The following SLC11A2 variants were observed in gnomAD, a reference collection of about 807,000 sequenced individuals.
SLC11A2 encodes the protein natural resistance-associated macrophage protein 2.
SLC11A2 carries 38 observed loss-of-function variants against 68.0 expected under a neutral mutation model. That is an observed-to-expected ratio of 0.56 (90% CI 0.43 to 0.73). The LOEUF is 0.73. SLC11A2 is among the 30% of genes least tolerant of loss of function. The pLI, the probability that SLC11A2 is intolerant of heterozygous loss-of-function variation, is 0.00. For synonymous variants in SLC11A2, 242 were observed against 250.6 expected (o/e 0.97, Z 0.32); for missense variants, 517 against 690.5 (o/e 0.75, Z 2.82).
chr12:50,973,109 T>C, the SLC11A2 span, among the ~76,000 whole-genome samples: 1 of 152,114 alleles, frequency 6.6e-6, no homozygotes, highest in Non-Finnish European at 1.5e-5. Flanking sequence ...TCTGCAGACT[T>C]AAATGTCCCT....
chr12:51,028,134 C>CGAAA (rs1410913008), upstream of SLC11A2: 3 of 1,345,918 alleles, frequency 2.2e-6, no homozygotes, highest in Non-Finnish European at 3.1e-6. Context: ...ACTTGTCACC[C>CGAAA]TTTCAGGTCT....
At chr12:51,013,464 T>A (rs1172093116) in intron 1 of SLC11A2, among the ~76,000 whole-genome samples, 1 of 151,560 alleles carries the variant, frequency 6.6e-6, no homozygotes, top group Non-Finnish European at 1.5e-5. Flanking sequence ...CTAATTTTTG[T>A]ATTTTTTTTT....
downstream of SLC11A2, among the ~76,000 whole-genome samples, chr12:50,974,458 C>G (rs1271811467): frequency 6.6e-6 from 1 of 152,160 alleles, no homozygotes; most frequent in African/African-American, 2.4e-5. Context: ...CTGTCACCAC[C>G]AGGCCTGCCC....
the SLC11A2 span, chr12:50,953,823 A>C: frequency 1.9e-6 from 1 of 531,776 alleles, no homozygotes; most frequent in Non-Finnish European, 3.3e-6. Flanking sequence ...AAAATGAAAA[A>C]ATTCGGTAGT....
In SLC11A2 at chr12:50,987,807, A is replaced by G. The variant is rs1940742047; in HGVS notation, c.*518T>C. On this transcript the variant is annotated 3_prime_UTR_variant, in exon 16 of 16. Transcript: ENST00000262052. ...ATAGAGCTAGGTGTCTCTTCATTTT[A>G]TATTTCATATGGATGAAGCTATTCT... is the stretch of plus-strand genomic sequence containing the variant. The G allele has an allele frequency of 7.9e-7, 1 of 1,267,464 alleles. No individual in the cohort carries two copies. The allele number at this position is 1,267,464 out of a possible 1,614,324, so 78.5% of individuals were successfully genotyped here.
rs758341964 is a variant in SLC11A2 at position 50,992,282 on chromosome 12, C to T, written c.1255G>A (p.Ala419Thr). ...GCAACAAGCAGAGTGGGGATGATGG[C>T]AATAGAGCGAGTCAGAACCACTCGG... ...FARVVLTRSI[A>T]IIPTLLVAVF... Residue 419 changes from alanine (A) to threonine (T), a missense_variant, in exon 13 of 16, where the codon GCC becomes ACC. By Grantham distance (58) the Ala-to-Thr change is moderately conservative. Transcript: ENST00000262052. 1.9e-6 allele frequency: 3 copies of T among 1,613,902 alleles called. No homozygotes were observed. The highest frequency in any genetic ancestry group is 2.2e-5 in the East Asian group (1 of 44,866).
In SLC11A2 at chr12:50,986,921, C is replaced by G; in HGVS notation, c.*1404G>C. On this transcript the variant is annotated 3_prime_UTR_variant, in exon 16 of 16. Transcript: ENST00000262052. ...CAGCGAACACCAATCAGCCAGGACT[C>G]TGGAAGGAAAGCTCCAAAAATGAGA... 7.8e-7 allele frequency: 1 copy of G among 1,287,200 alleles called. No homozygotes were observed. Among genetic ancestry groups the G allele is most frequent in the Non-Finnish European group, 1.0e-6 (1 of 988,702 alleles). 79.7% of individuals were successfully genotyped at this position (1,287,200 alleles called of 1,614,324 possible).
At chr12:51,018,810 T>TC (rs1943845530) in intron 1 of SLC11A2, among the ~76,000 whole-genome samples, 1 of 152,180 alleles carries the variant, frequency 6.6e-6, no homozygotes, top group Non-Finnish European at 1.5e-5. Flanking sequence ...TTGAAATAAT[T>TC]CGTTTTCATA....
intron 3 of SLC11A2, 69 bp from the exon 4 acceptor site, chr12:51,005,505 T>C: frequency 6.2e-7 from 1 of 1,603,116 alleles, no homozygotes; most frequent in Non-Finnish European, 8.5e-7. Flanking sequence ...TGGTCTGTTA[T>C]CACATATGAA....
intron 5 of SLC11A2, among the ~76,000 whole-genome samples, 183 bp downstream of exon 5, chr12:51,004,605 A>G (rs1942558127): frequency 6.6e-6 from 1 of 152,150 alleles, no homozygotes; most frequent in Non-Finnish European, 1.5e-5. Context: ...ATTTTGAAAG[A>G]GGGGGAAAAC....
intron 9 of SLC11A2, 45 bp downstream of exon 9, chr12:50,996,772 C>A (rs375391302): frequency 2.1e-5 from 33 of 1,591,710 alleles, no homozygotes; most frequent in Non-Finnish European, 2.1e-5. Context: ...AGGAAAAGAT[C>A]CCATGAACTG....
chr12:50,988,904 G>A (rs1940868057), intron 15 of SLC11A2, among the ~76,000 whole-genome samples: 2 of 151,912 alleles, frequency 1.3e-5, no homozygotes, highest in South Asian at 4.1e-4. Flanking sequence ...TAGAGACAAG[G>A]TGTCTTGCTA....
the SLC11A2 span, among the ~76,000 whole-genome samples, chr12:50,957,713 C>T: frequency 1.3e-5 from 2 of 151,482 alleles, no homozygotes; most frequent in Non-Finnish European, 2.9e-5. Context: ...GGCAAAACCC[C>T]ATGTCTACTA....
the SLC11A2 span, among the ~76,000 whole-genome samples, chr12:50,974,209 GAAGGCAAAAATGTT>G: frequency 5.1e-4 from 77 of 152,306 alleles, no homozygotes; most frequent in African/African-American, 1.8e-3. Context: ...AAGTTGAAAT[GAAGGCAAAAATGTT>G]AAGGGCAGCC....
chr12:51,004,975 T>C, intron 4 of SLC11A2, 68 bp from the exon 5 acceptor site: 1 of 1,583,030 alleles, frequency 6.3e-7, no homozygotes, highest in Non-Finnish European at 8.6e-7. Context: ...GTTTGTTTAG[T>C]TGTTTGGCAA....
chr12:50,982,470 A>C (rs2136127625), downstream of SLC11A2, among the ~76,000 whole-genome samples: 1 of 151,994 alleles, frequency 6.6e-6, no homozygotes, highest in African/African-American at 2.4e-5. Context: ...CTAAAAATAC[A>C]AAAAAAATTA....
At position 50,987,147 on chromosome 12, in the gene SLC11A2, C is replaced by A. The variant is rs1370159689; in HGVS notation, c.*1178G>T. The A allele has an allele frequency of 7.8e-7, 1 of 1,283,042 alleles. No homozygotes were observed. Among genetic ancestry groups the A allele is most frequent in the South Asian group, 1.2e-5 (1 of 80,322 alleles). 79.5% of individuals were successfully genotyped at this position (1,283,042 alleles called of 1,614,324 possible). A position where few individuals can be genotyped will look rare whatever the true frequency, so the allele number is the denominator to read the frequency against. On this transcript the variant is annotated 3_prime_UTR_variant, in exon 16 of 16. Transcript: ENST00000262052. ...ACCCATTTCCTCTGACTCCAGAGCT[C>A]CACCATCTGGTCTCAAGATTTTTCC...
intron 1 of SLC11A2, chr12:51,025,733 C>A (rs1274533215): frequency 2.0e-6 from 2 of 984,946 alleles, no homozygotes; most frequent in Non-Finnish European, 1.2e-6. Flanking sequence ...TCCAGAGGGT[C>A]CCTGAGAGCT....
chr12:51,008,695 A>C (rs1246953477), intron 2 of SLC11A2, 71 bp from the exon 3 acceptor site: 1 of 1,245,142 alleles, frequency 8.0e-7, no homozygotes, highest in Non-Finnish European at 1.2e-6. Context: ...TCCTTAGTAT[A>C]CTGAAATTAA....
Sources: gnomAD v4.1 joint callset for allele counts (sites outside exome capture counted in the v4.1 genomes callset) on GRCh38, gnomAD v4.1.1 for gene constraint, MANE v1.5 for transcripts, NCBI Gene and HGNC (gene_info 2026-07-23, HGNC 2026-07-21) for gene names.